The following RNASE13 variants were observed in gnomAD, a reference collection of about 807,000 sequenced individuals.
RNASE13 encodes the protein ribonuclease A family member 13 (inactive), also known as probable inactive ribonuclease-like protein 13.
For missense variants in RNASE13, 188 were observed against 192.8 expected, an observed-to-expected ratio of 0.98 and a Z score of 0.15; for synonymous variants, 67 against 71.6, an observed-to-expected ratio of 0.94 and a Z score of 0.32.
In RNASE13 at chr14:21,034,277, A is replaced by G; in HGVS notation, c.12T>C (p.Ala4=). ...GCTGGAGGAAAAGGAGCCGGGTCAC[A>G]GCTGGTGCCATTCCTCCTGCTGGTA... MAP[A]VTRLLFLQLV... is the part of the protein sequence containing the mutation. Residue 4 remains alanine, a synonymous_variant, in exon 2 of 2, where the codon GCT becomes GCC. Transcript: ENST00000382951. 6.2e-7 allele frequency: 1 copy of G among 1,610,428 alleles called. No homozygotes were observed.
rs1274980480 is a variant in RNASE13, at chr14:21,033,442, G to A, written c.*376C>T. 3.3e-5 allele frequency: 10 copies of A among 299,252 alleles called. No homozygotes were observed. The East Asian group carries it at 3.4e-4, about 10-fold the overall frequency. The allele number at this position is 299,252 out of a possible 1,614,324, so 18.5% of individuals were successfully genotyped here. On this transcript the variant is annotated 3_prime_UTR_variant, in exon 2 of 2. Coordinates refer to ENST00000382951, the MANE Select transcript of RNASE13 (RefSeq NM_001012264.4). ...TGGTGGGGATGGGGAGGTGAGACTC[G>A]GAGCTGGTGCCTGTTGCCATGGTGT...
Position 21,033,458 on chromosome 14 carries a change from G to T in RNASE13, c.*360C>A. The T allele has an allele frequency of 3.2e-6, 1 of 313,968 alleles. No homozygotes were observed. The highest frequency in any genetic ancestry group is 6.0e-6 in the Non-Finnish European group (1 of 165,772). 19.4% of individuals were successfully genotyped at this position (313,968 alleles called of 1,614,324 possible). ...GTGAGACTCGGAGCTGGTGCCTGTT[G>T]CCATGGTGTGAGCTGAGGCCCTGGG... On this transcript the variant is annotated 3_prime_UTR_variant, in exon 2 of 2. Transcript: ENST00000382951.
rs1050579475 is a variant in RNASE13, at chr14:21,032,920, A to G, written c.*898T>C. The G allele has an allele frequency of 4.4e-5, 20 of 455,674 alleles. No individual in the cohort carries two copies. Among genetic ancestry groups the G allele is most frequent in the East Asian group, 3.5e-4 (5 of 14,406 alleles). The allele number at this position is 455,674 out of a possible 1,614,324, so 28.2% of individuals were successfully genotyped here. ...TGTGCCCTTCACCCAGTTTCCCCCAATGGTTACATCTTACATACTCAGATG... is the reference window on the plus strand; with the variant it reads ...TGTGCCCTTCACCCAGTTTCCCCCAGTGGTTACATCTTACATACTCAGATG... On this transcript the variant is annotated 3_prime_UTR_variant, in exon 2 of 2. Coordinates refer to ENST00000382951, the MANE Select transcript of RNASE13 (RefSeq NM_001012264.4).
In RNASE13 at chr14:21,033,709, G is replaced by C. The variant is rs776825721; in HGVS notation, c.*109C>G. The C allele has an allele frequency of 2.5e-6, 2 of 812,826 alleles. No homozygotes were observed. Among genetic ancestry groups the C allele is most frequent in the South Asian group, 2.9e-5 (2 of 70,008 alleles). 50.4% of individuals were successfully genotyped at this position (812,826 alleles called of 1,614,324 possible). A position where few individuals can be genotyped will look rare whatever the true frequency, so the allele number is the denominator to read the frequency against. On this transcript the variant is annotated 3_prime_UTR_variant, in exon 2 of 2. Coordinates refer to ENST00000382951, the MANE Select transcript of RNASE13 (RefSeq NM_001012264.4). Reference sequence around the variant, plus strand: ...GCACCCACCTGGTCTCTTGGGAGGGGACCCTGCCTGCCTCGTAAGTCAGGA... The same window carrying C: ...GCACCCACCTGGTCTCTTGGGAGGGCACCCTGCCTGCCTCGTAAGTCAGGA...
In RNASE13 at chr14:21,034,271, G is replaced by A. The variant is rs911731646; in HGVS notation, c.18C>T (p.Thr6=). 1 of 1,611,662 alleles carries A rather than the reference G, an allele frequency of 6.2e-7. No individual in the cohort carries two copies. Residue 6 remains threonine (T), a synonymous_variant, in exon 2 of 2, where the codon ACC becomes ACT. Coordinates refer to ENST00000382951, the MANE Select transcript of RNASE13 (RefSeq NM_001012264.4). ...GAACAAGCTGGAGGAAAAGGAGCCG[G>A]GTCACAGCTGGTGCCATTCCTCCTG... MAPAV[T]RLLFLQLVLG... is the part of the protein sequence containing the mutation.
intron 1 of RNASE13, 35 bp from the exon 2 acceptor site, chr14:21,034,331 G>T (rs760144550): frequency 3.5e-6 from 5 of 1,434,590 alleles, no homozygotes; most frequent in Admixed American, 3.7e-5. Context: ...GCAGCAGTGG[G>T]CCTGAAGTGG....
rs202002906 is a variant in RNASE13, at chr14:21,034,159, A to C, written c.130T>G (p.Tyr44Asp). ...TLSIDYPRVNYPKGFRGYCNG... is the reference protein window; with the variant it reads ...TLSIDYPRVNDPKGFRGYCNG... Reference sequence around the variant, plus strand: ...CAATAGCCCCGGAAACCCTTTGGGTAGTTAACCCTGGGATAGTCAATGCTT... The same window carrying C: ...CAATAGCCCCGGAAACCCTTTGGGTCGTTAACCCTGGGATAGTCAATGCTT... Residue 44 changes from tyrosine (Y) to aspartate (D), a missense_variant, in exon 2 of 2, where the codon TAC (tyrosine) becomes GAC (aspartate). Physicochemically the swap from Tyr to Asp is radical, Grantham distance 160 (BLOSUM62 -3). Transcript: ENST00000382951. The C allele has an allele frequency of 1.4e-5, 22 of 1,614,126 alleles. No individual in the cohort carries two copies. Among genetic ancestry groups the C allele is most frequent in the Admixed American group, 1.7e-5 (1 of 60,016 alleles).
chr14:21,033,849 A>G lies in RNASE13; in HGVS notation c.440T>C (p.Ile147Thr), dbSNP rs374644807. The G allele has an allele frequency of 1.1e-5, 18 of 1,613,424 alleles. No individual in the cohort carries two copies. The highest frequency in any genetic ancestry group is 1.5e-5 in the Non-Finnish European group (18 of 1,179,536). Residue 147 changes from isoleucine (I) to threonine (T), a missense_variant, in exon 2 of 2, where the codon ATA becomes ACA. Ile to Thr is a moderately conservative substitution (Grantham distance 89). Coordinates refer to ENST00000382951, the MANE Select transcript of RNASE13 (RefSeq NM_001012264.4). ...LCSRKYEADP[I>T]GIAGLYSGI ...TCCCGAATAGAGACCAGCGATACCTATTGGATCAGCTTCATACTTGCGGGA... is the reference window on the plus strand; with the variant it reads ...TCCCGAATAGAGACCAGCGATACCTGTTGGATCAGCTTCATACTTGCGGGA...
At chr14:21,034,361 G>A in intron 1 of RNASE13, 65 bp from the exon 2 acceptor site, 1 of 1,086,542 alleles carries the variant, frequency 9.2e-7, no homozygotes, top group African/African-American at 1.6e-5. Context: ...ACATCCCAGA[G>A]CCTCCAGCAT....
chr14:21,033,217 A>G lies in RNASE13; in HGVS notation c.*601T>C, dbSNP rs961961306. The G allele has an allele frequency of 1.0e-4, 36 of 346,686 alleles. No individual in the cohort carries two copies. The highest frequency in any genetic ancestry group is 3.3e-4 in the Admixed American group (8 of 24,042). The allele number at this position is 346,686 out of a possible 1,614,324, so 21.5% of individuals were successfully genotyped here. On this transcript the variant is annotated 3_prime_UTR_variant, in exon 2 of 2. Transcript: ENST00000382951. The stretch of plus-strand genomic sequence containing the variant: ...AGTCCTAGGCTCCATGGTAAGAGGA[A>G]GCAGGAGAGGACAGTTATATGAAGG...
In RNASE13 at chr14:21,034,140, C is replaced by A; in HGVS notation, c.149G>T (p.Gly50Val). 1 of 1,614,210 alleles carries A rather than the reference C, an allele frequency of 6.2e-7. No individual in the cohort carries two copies. The highest frequency in any genetic ancestry group is 8.5e-7 in the Non-Finnish European group (1 of 1,180,046). The change falls in exon 2 of 2, where the codon GGC (glycine) becomes GTC (valine). Residue 50 changes from glycine (G) to valine (V), a missense_variant. By Grantham distance (109) the Gly-to-Val change is moderately radical. Transcript: ENST00000382951. Reference sequence around the variant, plus strand: ...ATAGGACATCAGACCATTACAATAGCCCCGGAAACCCTTTGGGTAGTTAAC... The same window carrying A: ...ATAGGACATCAGACCATTACAATAGACCCGGAAACCCTTTGGGTAGTTAAC... ...PRVNYPKGFR[G>V]YCNGLMSYMR...
At position 21,033,754 on chromosome 14, in the gene RNASE13, A is replaced by T. The variant is rs533305200; in HGVS notation, c.*64T>A. Reference sequence around the variant, plus strand: ...TCAGGAAGGAAGTCTTGTTACAGGGATCAGAGTGTTGGAAATGGAGACAGC... The same window carrying T: ...TCAGGAAGGAAGTCTTGTTACAGGGTTCAGAGTGTTGGAAATGGAGACAGC... On this transcript the variant is annotated 3_prime_UTR_variant, in exon 2 of 2. Coordinates refer to ENST00000382951, the MANE Select transcript of RNASE13 (RefSeq NM_001012264.4). The T allele has an allele frequency of 5.5e-6, 6 of 1,095,182 alleles. No homozygotes were observed. The African/African-American group carries it at 9.3e-5, about 17-fold the overall frequency. The allele number at this position is 1,095,182 out of a possible 1,614,324, so 67.8% of individuals were successfully genotyped here. A position where few individuals can be genotyped will look rare whatever the true frequency, so the allele number is the denominator to read the frequency against.
chr14:21,034,315 T>C lies in RNASE13; in HGVS notation c.-8-19A>G, dbSNP rs1303842264. On this transcript the variant is annotated intron_variant, in intron 1 of 1. Transcript: ENST00000382951. The stretch of plus-strand genomic sequence containing the variant: ...CCTCCTGCTGGTAGAGTTAAGGTGG[T>C]TGGGGGCAGCAGTGGGCCTGAAGTG... 8 of 1,571,002 alleles carry C rather than the reference T, an allele frequency of 5.1e-6. No individual in the cohort carries two copies. The highest frequency in any genetic ancestry group is 4.1e-5 in the African/African-American group (3 of 73,734).
intron 1 of RNASE13, 78 bp from the exon 2 acceptor site, chr14:21,034,374 C>G: frequency 1.1e-6 from 1 of 930,522 alleles, no homozygotes; most frequent in Non-Finnish European, 1.7e-6. Context: ...TCCAGCATTC[C>G]CAACCCAACA....
rs1459362624 is a variant in RNASE13 at position 21,033,772 on chromosome 14, G to A, written c.*46C>T. On this transcript the variant is annotated 3_prime_UTR_variant, in exon 2 of 2. Coordinates refer to ENST00000382951, the MANE Select transcript of RNASE13 (RefSeq NM_001012264.4). ...TACAGGGATCAGAGTGTTGGAAATG[G>A]AGACAGCTGGCCTGTGGTGGTAGAG... The A allele has an allele frequency of 1.6e-6, 2 of 1,230,080 alleles. No homozygotes were observed. The highest frequency in any genetic ancestry group is 3.4e-5 in the Admixed American group (2 of 59,490). 76.2% of individuals were successfully genotyped at this position (1,230,080 alleles called of 1,614,324 possible). A position where few individuals can be genotyped will look rare whatever the true frequency, so the allele number is the denominator to read the frequency against.
chr14:21,034,214 C>T lies in RNASE13; in HGVS notation c.75G>A (p.Met25Ile), dbSNP rs774976407. Residue 25 changes from methionine to isoleucine, a missense_variant, in exon 2 of 2, where the codon ATG becomes ATA. Met to Ile is a conservative substitution (Grantham distance 10). Coordinates refer to ENST00000382951, the MANE Select transcript of RNASE13 (RefSeq NM_001012264.4). ...TATAGAAGTTCCTGCTGCCAATCTG[C>T]ATCTTGATGTCCATGACCAGAGTTG... ...LGPTLVMDIK[M>I]QIGSRNFYTL... 16 of 1,614,000 alleles carry T rather than the reference C, an allele frequency of 9.9e-6. No homozygotes were observed. The highest frequency in any genetic ancestry group is 3.3e-5 in the Admixed American group (2 of 59,998).
chr14:21,034,392 A>G, intron 1 of RNASE13, 96 bp from the exon 2 acceptor site: 1 of 809,084 alleles, frequency 1.2e-6, no homozygotes, highest in Non-Finnish European at 2.0e-6. Flanking sequence ...ACAGTACTTT[A>G]GAGATCATCT....
Position 21,034,668 on chromosome 14 carries a change from T to C in RNASE13, c.-21A>G, listed in dbSNP as rs1884500285. On this transcript the variant is annotated 5_prime_UTR_variant, in exon 1 of 2. Transcript: ENST00000382951. ...GGAGCAGGCTGACCTGACAATTCTC[T>C]GGCAGCTGGGAGGAAGGACAGGAGC... 1 of 195,856 alleles carries C rather than the reference T, an allele frequency of 5.1e-6. No individual in the cohort carries two copies. Among genetic ancestry groups the C allele is most frequent in the Non-Finnish European group, 1.0e-5 (1 of 95,912 alleles). The allele number at this position is 195,856 out of a possible 1,614,324, so 12.1% of individuals were successfully genotyped here.
chr14:21,034,504 A>T (rs1308573752), intron 1 of RNASE13, among the ~76,000 whole-genome samples, 152 bp downstream of exon 1: 1 of 152,160 alleles, frequency 6.6e-6, no homozygotes, highest in Non-Finnish European at 1.5e-5. Context: ...CTGGTCCACC[A>T]CAGAATCTCA....
Sources: gnomAD v4.1 joint callset for allele counts (sites outside exome capture counted in the v4.1 genomes callset) on GRCh38, gnomAD v4.1.1 for gene constraint, MANE v1.5 for transcripts, NCBI Gene and HGNC (gene_info 2026-07-23, HGNC 2026-07-21) for gene names.